The following TEK variants were observed in gnomAD, a reference collection of about 807,000 sequenced individuals.
TEK encodes the protein TEK receptor tyrosine kinase, also known as angiopoietin-1 receptor.
A neutral mutation model predicts 131.8 loss-of-function variants in TEK; 43 were observed. The observed-to-expected ratio is 0.33, with a 90% CI of 0.26 to 0.42. TEK has a LOEUF of 0.42. Ranked by LOEUF, TEK falls within the 10% of genes least tolerant of loss-of-function variation. TEK has a pLI of 1.00. For synonymous variants in TEK, 580 were observed against 491.6 expected (o/e 1.18, Z -2.38); for missense variants, 1,162 against 1,384.4 (o/e 0.84, Z 2.55).
chr9:27,213,956 A>G (rs1341771472), intron 18 of TEK, among the ~76,000 whole-genome samples: 2 of 152,206 alleles, frequency 1.3e-5, no homozygotes, highest in Non-Finnish European at 2.9e-5. Flanking sequence ...GCAAGGAAAA[A>G]AATTAACATA....
chr9:27,184,668 C>A (rs912680442), intron 8 of TEK, among the ~76,000 whole-genome samples: 3 of 152,124 alleles, frequency 2.0e-5, no homozygotes, highest in Non-Finnish European at 1.5e-5. Flanking sequence ...TCTTACTTAA[C>A]ATTGCCTAGT....
intron 1 of TEK, among the ~76,000 whole-genome samples, chr9:27,126,838 A>G (rs762477089): frequency 2.0e-5 from 3 of 152,194 alleles, no homozygotes; most frequent in Non-Finnish European, 2.9e-5. Flanking sequence ...ATCACTGTAC[A>G]GTGTAACCCA....
intron 17 of TEK, 121 bp downstream of exon 17, chr9:27,213,018 A>G (rs1825692017): frequency 9.2e-7 from 1 of 1,081,654 alleles, no homozygotes; most frequent in Non-Finnish European, 1.3e-6. Flanking sequence ...AATCTCCCTC[A>G]TTTTAATCTC....
chr9:27,192,413 C>T (rs1049458066), intron 10 of TEK, 76 bp from the exon 11 acceptor site: 8 of 1,566,182 alleles, frequency 5.1e-6, no homozygotes, highest in Non-Finnish European at 6.2e-6. Flanking sequence ...TAGTTCACAT[C>T]GCAATAACAA....
At chr9:27,173,429 T>C (rs1824040224) in intron 6 of TEK, 67 bp downstream of exon 6, 2 of 1,605,650 alleles carry the variant, frequency 1.2e-6, no homozygotes, top group Non-Finnish European at 1.7e-6. Flanking sequence ...TCCAGTTTGC[T>C]GTCAATCACA....
At position 27,193,980 on chromosome 9, in the gene TEK, A is replaced by T. The variant is rs985285571; in HGVS notation, c.1624+1357A>T. Among the ~76,000 whole-genome samples, 12 of 151,848 alleles carry T rather than the reference A, an allele frequency of 7.9e-5. 1 individual carries two copies. The highest frequency in any genetic ancestry group is 1.9e-4 in the African/African-American group (8 of 41,342). On this transcript the variant is annotated intron_variant, in intron 11 of 22. Transcript: ENST00000380036. ...CCACCACATCTGGCTACTTCAAAAA[A>T]TTTTTTTTGTAGAGACGGGGTCTTG...
chr9:27,172,533 G>T, intron 4 of TEK, 83 bp from the exon 5 acceptor site: 1 of 1,576,712 alleles, frequency 6.3e-7, no homozygotes, highest in South Asian at 1.1e-5. Context: ...TCCACTGAAT[G>T]ACTGACACAC....
chr9:27,132,228 C>T (rs1271473529), intron 1 of TEK, among the ~76,000 whole-genome samples: 1 of 151,952 alleles, frequency 6.6e-6, no homozygotes, highest in Non-Finnish European at 1.5e-5. Context: ...GCTAGGATCA[C>T]AGGCGTGCAC....
chr9:27,146,369 C>T (rs951626082), intron 1 of TEK, among the ~76,000 whole-genome samples: 1 of 152,114 alleles, frequency 6.6e-6, no homozygotes. Context: ...CTAAGAACAG[C>T]GATCAGGATA....
rs183824884 is a variant in TEK, at chr9:27,124,576, G to A, written c.52+14934G>A. Among the ~76,000 whole-genome samples, 541 of 152,334 alleles carry A rather than the reference G, an allele frequency of 3.6e-3. 1 individual carries two copies. Among genetic ancestry groups the A allele is most frequent in the Non-Finnish European group, 5.8e-3 (396 of 68,030 alleles). On this transcript the variant is annotated intron_variant, in intron 1 of 22. Transcript: ENST00000380036. ...ACGGGAAATACACTCTGCCCACAAC[G>A]AGGCCAAAGCAGAAATGTGGAAGCA... is the stretch of plus-strand genomic sequence containing the variant.
At chr9:27,156,655 G>A (rs1025681021) in intron 1 of TEK, among the ~76,000 whole-genome samples, 1 of 152,186 alleles carries the variant, frequency 6.6e-6, no homozygotes, top group Non-Finnish European at 1.5e-5. Context: ...AATGAAACTA[G>A]CTGCTCAATC....
chr9:27,178,585 T>C (rs755659946), intron 6 of TEK, among the ~76,000 whole-genome samples: 1 of 152,182 alleles, frequency 6.6e-6, no homozygotes, highest in Non-Finnish European at 1.5e-5. Context: ...GCATTTTAGC[T>C]GGGTGAATAA....
intron 1 of TEK, among the ~76,000 whole-genome samples, chr9:27,147,655 C>T (rs1822977034): frequency 6.6e-6 from 1 of 152,178 alleles, no homozygotes; most frequent in Admixed American, 6.5e-5. Flanking sequence ...TCATAGCTAA[C>T]AATCACTTTC....
At chr9:27,158,271 C>G in intron 2 of TEK, 129 bp downstream of exon 2, 2 of 1,090,258 alleles carry the variant, frequency 1.8e-6, no homozygotes, top group South Asian at 1.3e-5. Flanking sequence ...TCTTGCCTGT[C>G]TCTTTCCATG....
At chr9:27,136,629 T>G (rs1180122708) in intron 1 of TEK, among the ~76,000 whole-genome samples, 1 of 152,148 alleles carries the variant, frequency 6.6e-6, no homozygotes, top group African/African-American at 2.4e-5. Flanking sequence ...TTGTGAGTAT[T>G]GTGAGTACAA....
intron 1 of TEK, among the ~76,000 whole-genome samples, chr9:27,141,303 C>A (rs1320704547): frequency 1.3e-5 from 2 of 151,504 alleles, no homozygotes; most frequent in African/African-American, 2.4e-5. Flanking sequence ...ATGTATACAC[C>A]CTGTTTTTTA....
At chr9:27,197,270 A>G (rs1057178550) in intron 11 of TEK, 45 bp from the exon 12 acceptor site, 1 of 1,600,950 alleles carries the variant, frequency 6.2e-7, no homozygotes. Flanking sequence ...AATCCAAACT[A>G]TATCAGCCAT....
intron 21 of TEK, among the ~76,000 whole-genome samples, chr9:27,221,954 G>A (rs902691356): frequency 1.3e-5 from 2 of 152,154 alleles, no homozygotes; most frequent in South Asian, 2.1e-4. Flanking sequence ...AGCTAAACGA[G>A]CATGTTCTAA....
intron 18 of TEK, among the ~76,000 whole-genome samples, chr9:27,214,255 A>C (rs1392066400): frequency 6.6e-6 from 1 of 152,248 alleles, no homozygotes; most frequent in East Asian, 1.9e-4. Flanking sequence ...GCATCCCTGC[A>C]TGTTACAGCT....
Sources: allele counts gnomAD v4.1 joint callset (sites outside exome capture counted in the v4.1 genomes callset), GRCh38; gene constraint gnomAD v4.1.1; transcripts MANE v1.5; gene names NCBI Gene and HGNC (gene_info 2026-07-23, HGNC 2026-07-21).